Variants in RALYL observed in about 807,000 individuals in gnomAD.
The protein encoded by RALYL is RALY RNA binding protein like.
RALYL carries 29 observed loss-of-function variants against 35.1 expected under a neutral mutation model. The ratio of observed to expected loss-of-function variants is 0.83; its 90% confidence interval spans 0.61 to 1.13. RALYL has a LOEUF of 1.13. Ranked by LOEUF, RALYL falls within the 50% of genes most tolerant of loss-of-function variation. RALYL has a pLI of 0.00. For synonymous variants in RALYL, 120 were observed against 127.6 expected (o/e 0.94, Z 0.40); for missense variants, 359 against 360.4 (o/e 1.00, Z 0.03).
At chr8:84,433,598 T>C (rs1047066077) in intron 1 of RALYL, among the ~76,000 whole-genome samples, 14 of 151,954 alleles carry the variant, frequency 9.2e-5, no homozygotes, top group African/African-American at 3.4e-4. Flanking sequence ...TCTCACGAGA[T>C]CTGTTGGGTT....
At chr8:84,570,881 A>C (rs920985564) in intron 2 of RALYL, among the ~76,000 whole-genome samples, 4 of 151,856 alleles carry the variant, frequency 2.6e-5, no homozygotes, top group Non-Finnish European at 5.9e-5. Flanking sequence ...CATGAATCAA[A>C]TTTATTGATT....
At chr8:84,467,839 CAT>C in intron 1 of RALYL, among the ~76,000 whole-genome samples, 1 of 138,750 alleles carries the variant, frequency 7.2e-6, no homozygotes, top group Non-Finnish European at 1.6e-5. Context: ...GTATTGGGTG[CAT>C]ATATATTTAG....
chr8:84,476,153 G>A lies in RALYL; in HGVS notation c.-23-53146G>A, dbSNP rs891862390. On this transcript the variant is annotated intron_variant, in intron 1 of 8. Transcript: ENST00000521268. ...AAATTGCCAGTAAAGAAATAAGGTA[G>A]TAGAGAAGGCTTCTAGTGGAAGTTG... Among the ~76,000 whole-genome samples the A allele has an allele frequency of 3.9e-5, 6 of 152,316 alleles. No homozygotes were observed. The East Asian group carries it at 1.2e-3, about 29-fold the overall frequency.
intron 1 of RALYL, among the ~76,000 whole-genome samples, chr8:84,373,401 T>C (rs1415383903): frequency 6.6e-6 from 1 of 152,062 alleles, no homozygotes; most frequent in African/African-American, 2.4e-5. Flanking sequence ...TTGTTTATGA[T>C]ATATGGAAGG....
At chr8:84,529,259 T>C (rs1297570645) in intron 1 of RALYL, 40 bp from the exon 2 acceptor site, 1 of 1,542,460 alleles carries the variant, frequency 6.5e-7, no homozygotes, top group Non-Finnish European at 8.8e-7. Flanking sequence ...ATGATTTACC[T>C]TTTGATTATT....
intron 8 of RALYL, among the ~76,000 whole-genome samples, chr8:84,891,334 C>A (rs1482021913): frequency 6.6e-6 from 1 of 152,220 alleles, no homozygotes; most frequent in Non-Finnish European, 1.5e-5. Context: ...CAAATAACTT[C>A]TCTGAGTCTC....
At chr8:84,863,938 A>G (rs1286187188) in intron 6 of RALYL, among the ~76,000 whole-genome samples, 1 of 152,214 alleles carries the variant, frequency 6.6e-6, no homozygotes, top group Non-Finnish European at 1.5e-5. Flanking sequence ...AGGTCACCCC[A>G]ATGTGGAGTA....
chr8:84,843,455 A>G (rs1244057061), intron 4 of RALYL, among the ~76,000 whole-genome samples: 2 of 152,196 alleles, frequency 1.3e-5, no homozygotes, highest in Admixed American at 6.6e-5. Context: ...CCACTGCTCA[A>G]TGAAATAAAA....
intron 2 of RALYL, among the ~76,000 whole-genome samples, chr8:84,751,530 C>A (rs1481313344): frequency 1.3e-5 from 2 of 151,932 alleles, no homozygotes; most frequent in African/African-American, 2.4e-5. Flanking sequence ...TTTTTTGTCC[C>A]CAAGATGATA....
chr8:84,362,564 C>A (rs1302492410), intron 1 of RALYL, among the ~76,000 whole-genome samples: 1 of 152,118 alleles, frequency 6.6e-6, no homozygotes, highest in Non-Finnish European at 1.5e-5. Context: ...GAAGCGTGAA[C>A]CCTGTTGTGA....
intron 2 of RALYL, among the ~76,000 whole-genome samples, chr8:84,554,405 TTC>T (rs1250973004): frequency 6.6e-6 from 1 of 152,202 alleles, no homozygotes; most frequent in African/African-American, 2.4e-5. Flanking sequence ...TGTCTAGTGT[TTC>T]TGTTATATGA....
intron 1 of RALYL, among the ~76,000 whole-genome samples, chr8:84,506,841 A>C (rs1158627013): frequency 2.6e-5 from 4 of 151,860 alleles, no homozygotes; most frequent in African/African-American, 9.7e-5. Context: ...GCAACTGTGC[A>C]CTTTAAATTT....
intron 1 of RALYL, among the ~76,000 whole-genome samples, chr8:84,496,465 G>A (rs2056030302): frequency 6.6e-6 from 1 of 152,000 alleles, no homozygotes; most frequent in Non-Finnish European, 1.5e-5. Flanking sequence ...TGTAATTCTG[G>A]TTTGGTACCC....
chr8:84,600,442 T>C (rs553407094), intron 2 of RALYL, among the ~76,000 whole-genome samples: 24 of 152,256 alleles, frequency 1.6e-4, no homozygotes, highest in African/African-American at 4.6e-4. Flanking sequence ...GACCATCCAC[T>C]TTCTGTTATT....
At chr8:84,686,539 G>T (rs989347309) in intron 2 of RALYL, among the ~76,000 whole-genome samples, 1 of 151,966 alleles carries the variant, frequency 6.6e-6, no homozygotes, top group African/African-American at 2.4e-5. Context: ...TGAGTGTTTG[G>T]GATTACAGGT....
At chr8:84,733,499 T>C (rs1846632461) in intron 2 of RALYL, among the ~76,000 whole-genome samples, 1 of 152,096 alleles carries the variant, frequency 6.6e-6, no homozygotes, top group South Asian at 2.1e-4. Context: ...GTAAATAATA[T>C]TATTAATAGT....
chr8:84,806,650 TTAAAAG>T (rs1824687052), intron 4 of RALYL, among the ~76,000 whole-genome samples: 1 of 152,090 alleles, frequency 6.6e-6, no homozygotes, highest in African/African-American at 2.4e-5. Context: ...TGCTTATGTC[TTAAAAG>T]TAAAGTGGTG....
intron 8 of RALYL, among the ~76,000 whole-genome samples, chr8:84,918,034 A>T (rs1210042970): frequency 6.6e-6 from 1 of 152,062 alleles, no homozygotes; most frequent in Non-Finnish European, 1.5e-5. Flanking sequence ...ATTGCTGTTC[A>T]TAAGACTTTG....
chr8:84,415,449 A>G (rs1206363891), intron 1 of RALYL, among the ~76,000 whole-genome samples: 1 of 152,084 alleles, frequency 6.6e-6, no homozygotes, highest in Non-Finnish European at 1.5e-5. Context: ...CATGTTGGCC[A>G]TGCTGGTCTG....
Sources: gnomAD v4.1 joint callset for allele counts (sites outside exome capture counted in the v4.1 genomes callset) on GRCh38, gnomAD v4.1.1 for gene constraint, MANE v1.5 for transcripts, NCBI Gene and HGNC (gene_info 2026-07-23, HGNC 2026-07-21) for gene names.